The following KIRREL3 variants were observed in gnomAD, a reference collection of about 807,000 sequenced individuals.
KIRREL3 encodes the protein kin of IRRE-like protein 3.
KIRREL3 carries 36 observed loss-of-function variants against 89.7 expected under a neutral mutation model. The observed-to-expected ratio is 0.40, with a 90% CI of 0.31 to 0.53. KIRREL3 has a LOEUF of 0.53. Ranked by LOEUF, KIRREL3 falls within the 20% of genes least tolerant of loss-of-function variation. The probability of loss-of-function intolerance (pLI) is 0.49; values close to 1 mark genes in which losing one functional copy is unlikely to be tolerated. For synonymous variants in KIRREL3, 445 were observed against 441.4 expected (o/e 1.01, Z -0.10); for missense variants, 864 against 1,056.6 (o/e 0.82, Z 2.53).
intron 1 of KIRREL3, among the ~76,000 whole-genome samples, chr11:126,593,538 G>A (rs1182875476): frequency 1.3e-5 from 2 of 152,172 alleles, no homozygotes; most frequent in Non-Finnish European, 2.9e-5. Context: ...TGAACACCCG[G>A]CTGGACCTGT....
rs777014465 is a variant in KIRREL3, at chr11:126,555,717, C to G, written c.133+7118G>C. Reference sequence around the variant, plus strand: ...AGGTAGGAACCAGATCACGTGGCACCTTGTAGAACATGCTAACAATGTGAG... The same window carrying G: ...AGGTAGGAACCAGATCACGTGGCACGTTGTAGAACATGCTAACAATGTGAG... On this transcript the variant is annotated intron_variant, in intron 2 of 16. Transcript: ENST00000525144. The surrounding 1 kb of genome is among the most constrained non-coding windows in gnomAD (Gnocchi z 4.2). Among the ~76,000 whole-genome samples the G allele has an allele frequency of 6.7e-6, 1 of 150,362 alleles. No individual in the cohort carries two copies. The highest frequency in any genetic ancestry group is 2.0e-4 in the East Asian group (1 of 5,004).
Position 126,990,000 on chromosome 11 carries a change from G to A in KIRREL3, c.55+10455C>T, listed in dbSNP as rs186556165. On this transcript the variant is annotated intron_variant, in intron 1 of 16. Transcript: ENST00000525144. This position sits in a 1 kb window ranked among gnomAD's most constrained non-coding sequence, Gnocchi z 6.2. ...GTTTTGTTTTTTCAGCATTTGCGGG[G>A]AATGACAACAGAAATATTGGCTCCC... Among the ~76,000 whole-genome samples, 27 of 152,354 alleles carry A rather than the reference G, an allele frequency of 1.8e-4. No individual in the cohort carries two copies. Among genetic ancestry groups the A allele is most frequent in the Admixed American group, 9.1e-4 (14 of 15,310 alleles).
rs1946612212 is a variant in KIRREL3 at position 126,906,937 on chromosome 11, T to G, written c.55+93518A>C. Among the ~76,000 whole-genome samples, 1 of 152,148 alleles carries G rather than the reference T, an allele frequency of 6.6e-6. No individual in the cohort carries two copies. Among genetic ancestry groups the G allele is most frequent in the South Asian group, 2.1e-4 (1 of 4,822 alleles). On this transcript the variant is annotated intron_variant, in intron 1 of 16. Transcript: ENST00000525144. This position sits in a 1 kb window ranked among gnomAD's most constrained non-coding sequence, Gnocchi z 4.1. ...GATAAAGAAAAAGCATTTAGAAAGG[T>G]TCATTGTTTAGATATTGAAAGACAG... is the stretch of plus-strand genomic sequence containing the variant.
chr11:126,922,821 C>T (rs111613596), intron 1 of KIRREL3, among the ~76,000 whole-genome samples: 7 of 152,164 alleles, frequency 4.6e-5, no homozygotes, highest in African/African-American at 1.7e-4. Flanking sequence ...TGAAAGAGTT[C>T]CTTGCATTTC....
intron 1 of KIRREL3, among the ~76,000 whole-genome samples, chr11:126,842,698 T>C (rs1459060407): frequency 6.6e-6 from 1 of 152,142 alleles, no homozygotes; most frequent in East Asian, 1.9e-4. Flanking sequence ...CTGCAGGTGA[T>C]ATGGAGGTGA....
At chr11:126,675,095 C>A (rs912934167) in intron 1 of KIRREL3, among the ~76,000 whole-genome samples, 15 of 152,244 alleles carry the variant, frequency 9.9e-5, no homozygotes, top group African/African-American at 2.2e-4. Flanking sequence ...CTCTTAGGGC[C>A]TCTTCGATGC....
chr11:126,865,348 G>A (rs76678379), intron 1 of KIRREL3, among the ~76,000 whole-genome samples: 269 of 152,370 alleles, frequency 1.8e-3, no homozygotes, highest in African/African-American at 6.2e-3. Context: ...TGCAAGAGGC[G>A]GCTGCTCTGA....
rs996981280 is a variant in KIRREL3, at chr11:126,904,026, G to A, written c.55+96429C>T. On this transcript the variant is annotated intron_variant, in intron 1 of 16. Coordinates refer to ENST00000525144, the MANE Select transcript of KIRREL3 (RefSeq NM_032531.4). This position sits in a 1 kb window ranked among gnomAD's most constrained non-coding sequence, Gnocchi z 4.4. ...AGCACATCTCAACTCTGGCCTGGAG[G>A]TAATTCTCAAGCAGGGATTTCTGCA... 2.6e-5 allele frequency among the ~76,000 whole-genome samples: 4 copies of A among 152,134 alleles called. No homozygotes were observed. Among genetic ancestry groups the A allele is most frequent in the African/African-American group, 9.7e-5 (4 of 41,438 alleles).
At position 126,431,562 on chromosome 11, in the gene KIRREL3, G is replaced by A. The variant is rs1433517190; in HGVS notation, c.1589-36C>T. The stretch of plus-strand genomic sequence containing the variant: ...GAAGCGGGCACAGCTGATGACGGAT[G>A]GGGAATGGCCTACTATCCCCCCATG... On this transcript the variant is annotated intron_variant, in intron 13 of 16. Coordinates refer to ENST00000525144, the MANE Select transcript of KIRREL3 (RefSeq NM_032531.4). The surrounding 1 kb of genome is among the most constrained non-coding windows in gnomAD (Gnocchi z 7.1). The A allele has an allele frequency of 6.3e-7, 1 of 1,585,400 alleles. No individual in the cohort carries two copies. Among genetic ancestry groups the A allele is most frequent in the Non-Finnish European group, 8.6e-7 (1 of 1,158,266 alleles).
rs569656819 is a variant in KIRREL3 at position 126,808,488 on chromosome 11, C to G, written c.55+191967G>C. On this transcript the variant is annotated intron_variant, in intron 1 of 16. Coordinates refer to ENST00000525144, the MANE Select transcript of KIRREL3 (RefSeq NM_032531.4). The surrounding 1 kb of genome is among the most constrained non-coding windows in gnomAD (Gnocchi z 4.1). Reference sequence around the variant, plus strand: ...AGTTTTTCATGGGGTCTGTTTTTTTCCCAGTGACCTCCTGAGGCAGCAGAC... The same window carrying G: ...AGTTTTTCATGGGGTCTGTTTTTTTGCCAGTGACCTCCTGAGGCAGCAGAC... Among the ~76,000 whole-genome samples, 1 of 152,010 alleles carries G rather than the reference C, an allele frequency of 6.6e-6. No homozygotes were observed. Among genetic ancestry groups the G allele is most frequent in the Non-Finnish European group, 1.5e-5 (1 of 67,992 alleles).
rs1948376219 is a variant in KIRREL3, at chr11:126,940,097, A to G, written c.55+60358T>C. Among the ~76,000 whole-genome samples, 1 of 152,164 alleles carries G rather than the reference A, an allele frequency of 6.6e-6. No individual in the cohort carries two copies. Among genetic ancestry groups the G allele is most frequent in the African/African-American group, 2.4e-5 (1 of 41,434 alleles). ...ACTCATTTAGCTCATTGAACAGATC[A>G]TCAAATGCCCACTCCCCCAAGAAAA... is the stretch of plus-strand genomic sequence containing the variant. On this transcript the variant is annotated intron_variant, in intron 1 of 16. Coordinates refer to ENST00000525144, the MANE Select transcript of KIRREL3 (RefSeq NM_032531.4). The surrounding 1 kb of genome is among the most constrained non-coding windows in gnomAD (Gnocchi z 4.6).
intron 1 of KIRREL3, among the ~76,000 whole-genome samples, chr11:126,572,272 C>T (rs889038031): frequency 1.3e-5 from 2 of 152,152 alleles, no homozygotes; most frequent in Admixed American, 6.5e-5. Context: ...TCTCTTGAGG[C>T]CAAGATCTTT....
chr11:126,449,260 G>A, intron 7 of KIRREL3, 103 bp from the exon 8 acceptor site: 1 of 1,309,226 alleles, frequency 7.6e-7, no homozygotes, highest in Admixed American at 1.9e-5. Flanking sequence ...TGGGTTGTGT[G>A]GCAAGTGGGG....
intron 7 of KIRREL3, among the ~76,000 whole-genome samples, chr11:126,450,989 C>G (rs1458688516): frequency 8.8e-6 from 1 of 113,522 alleles, no homozygotes; most frequent in Admixed American, 9.1e-5. Flanking sequence ...GTGCATGTGT[C>G]AATGTGCATG....
intron 1 of KIRREL3, among the ~76,000 whole-genome samples, chr11:126,803,412 T>C (rs971970004): frequency 2.0e-5 from 3 of 152,116 alleles, no homozygotes; most frequent in Non-Finnish European, 4.4e-5. Context: ...GCATGAGGAC[T>C]GGGTGTCAAC....
intron 1 of KIRREL3, among the ~76,000 whole-genome samples, chr11:126,847,087 C>T (rs1270195042): frequency 6.6e-6 from 1 of 152,108 alleles, no homozygotes; most frequent in Non-Finnish European, 1.5e-5. Context: ...ATAGATTTAT[C>T]TATAAGCTTT....
At chr11:126,473,638 A>C (rs1956989208) in intron 4 of KIRREL3, among the ~76,000 whole-genome samples, 172 bp from the exon 5 acceptor site, 1 of 152,130 alleles carries the variant, frequency 6.6e-6, no homozygotes. Flanking sequence ...GTGATCCCTG[A>C]CATGTGCACT....
Position 126,892,952 on chromosome 11 carries a change from T to C in KIRREL3, c.55+107503A>G, listed in dbSNP as rs1015413287. Reference sequence around the variant, plus strand: ...GCTAGGATAGGGCTGAGTATTCTAATTGCCTGTGGGATAGGATTTCACTAT... The same window carrying C: ...GCTAGGATAGGGCTGAGTATTCTAACTGCCTGTGGGATAGGATTTCACTAT... On this transcript the variant is annotated intron_variant, in intron 1 of 16. Transcript: ENST00000525144. This position sits in a 1 kb window ranked among gnomAD's most constrained non-coding sequence, Gnocchi z 5.4. Among the ~76,000 whole-genome samples, 1 of 152,212 alleles carries C rather than the reference T, an allele frequency of 6.6e-6. No individual in the cohort carries two copies. Among genetic ancestry groups the C allele is most frequent in the Non-Finnish European group, 1.5e-5 (1 of 68,044 alleles).
At chr11:126,829,799 T>C (rs1240950446) in intron 1 of KIRREL3, among the ~76,000 whole-genome samples, 1 of 152,160 alleles carries the variant, frequency 6.6e-6, no homozygotes, top group African/African-American at 2.4e-5. Flanking sequence ...ACCTTTATCA[T>C]TAAAAGGCAA....
Sources: gnomAD v4.1 joint callset for allele counts (sites outside exome capture counted in the v4.1 genomes callset) on GRCh38, gnomAD v4.1.1 for gene constraint, Gnocchi (gnomAD v3.1) non-coding constraint, MANE v1.5 for transcripts, NCBI Gene and HGNC (gene_info 2026-07-23, HGNC 2026-07-21) for gene names.